The following KLHL29 variants were observed in gnomAD, a reference collection of about 807,000 sequenced individuals.
The protein encoded by KLHL29 is kelch-like protein 29.
In KLHL29, 21 loss-of-function variants were observed where a neutral mutation model predicts 80.4. The observed-to-expected ratio is 0.26, with a 90% CI of 0.19 to 0.38. KLHL29 has a LOEUF of 0.38. Ranked by LOEUF, KLHL29 falls within the 10% of genes least tolerant of loss-of-function variation. KLHL29 has a pLI of 1.00. For missense variants in KLHL29, 867 were observed against 1,223.9 expected, an observed-to-expected ratio of 0.71 and a Z score of 4.35; for synonymous variants, 511 against 526.8, an observed-to-expected ratio of 0.97 and a Z score of 0.41.
intron 2 of KLHL29, among the ~76,000 whole-genome samples, chr2:23,512,120 C>G (rs1307900464): frequency 2.0e-5 from 3 of 152,202 alleles, no homozygotes; most frequent in Non-Finnish European, 4.4e-5. Flanking sequence ...AATGACCTAA[C>G]TTCTCTGAGC....
intron 2 of KLHL29, among the ~76,000 whole-genome samples, chr2:23,485,640 C>T (rs1326087583): frequency 1.3e-5 from 2 of 152,190 alleles, no homozygotes; most frequent in Admixed American, 1.3e-4. Flanking sequence ...GTTCCATATT[C>T]AGAGGGTCCT....
intron 3 of KLHL29, among the ~76,000 whole-genome samples, chr2:23,600,724 GAGA>G (rs1165603634): frequency 2.6e-5 from 4 of 152,228 alleles, no homozygotes; most frequent in African/African-American, 9.6e-5. Flanking sequence ...AGGGGGCTCA[GAGA>G]AGGAGTGGGA....
intron 1 of KLHL29, among the ~76,000 whole-genome samples, chr2:23,421,562 G>C (rs866889657): frequency 5.7e-5 from 8 of 141,054 alleles, no homozygotes; most frequent in Non-Finnish European, 9.1e-5. Context: ...GTGTGTGTGT[G>C]TGTCTGTAGC....
chr2:23,555,453 G>C (rs1667261692), intron 2 of KLHL29, among the ~76,000 whole-genome samples: 1 of 152,198 alleles, frequency 6.6e-6, no homozygotes, highest in Non-Finnish European at 1.5e-5. Context: ...CTGGGGACAG[G>C]GTGGCCCATC....
At chr2:23,609,743 G>A (rs1034577919) in intron 3 of KLHL29, among the ~76,000 whole-genome samples, 4 of 152,164 alleles carry the variant, frequency 2.6e-5, no homozygotes, top group Non-Finnish European at 5.9e-5. Flanking sequence ...CACTTTGCGT[G>A]TTTATTTGGT....
chr2:23,569,458 T>C (rs986847410), intron 3 of KLHL29, among the ~76,000 whole-genome samples: 1 of 152,218 alleles, frequency 6.6e-6, no homozygotes, highest in Non-Finnish European at 1.5e-5. Context: ...TAAATCTACT[T>C]CTTACTCAGT....
At position 23,695,651 on chromosome 2, in the gene KLHL29, G is replaced by A; in HGVS notation, c.1571G>A (p.Arg524His). 2 of 1,551,224 alleles carry A rather than the reference G, an allele frequency of 1.3e-6. No individual in the cohort carries two copies. The highest frequency in any genetic ancestry group is 2.4e-5 in the East Asian group (1 of 40,916). The change falls in exon 9 of 14, where the codon CGC becomes CAC. Residue 524 changes from arginine (R) to histidine (H), a missense_variant. Arg to His is a conservative substitution (Grantham distance 29). This residue lies in a region of KLHL29 where 443 missense variants were observed against 767.0 expected (regional missense o/e 0.58). Coordinates refer to ENST00000486442, the MANE Select transcript of KLHL29 (RefSeq NM_052920.2). This position sits in a 1 kb window ranked among gnomAD's most constrained non-coding sequence, Gnocchi z 7.6. The stretch of plus-strand genomic sequence containing the variant: ...GCGGCTGAGCTCCTGGCCGTGGTCC[G>A]CCTCCCCTTCATCCACCCCAGCTAC... The part of the protein sequence containing the change: ...QYAAELLAVV[R>H]LPFIHPSYLL...
intron 1 of KLHL29, among the ~76,000 whole-genome samples, chr2:23,400,327 GC>G (rs113852403): frequency 0.052 from 7,932 of 152,242 alleles, 213 homozygotes; most frequent in Middle Eastern, 0.1. Flanking sequence ...AAGCCTTGAG[GC>G]TGGTTGAGAT....
At chr2:23,528,001 G>A (rs1235211466) in intron 2 of KLHL29, among the ~76,000 whole-genome samples, 2 of 152,300 alleles carry the variant, frequency 1.3e-5, no homozygotes, top group South Asian at 4.1e-4. Context: ...AGTTAATGGC[G>A]GCTGTGAATA....
intron 1 of KLHL29, among the ~76,000 whole-genome samples, chr2:23,421,991 T>TTG (rs58964080): frequency 6.6e-5 from 10 of 151,046 alleles, no homozygotes; most frequent in Admixed American, 3.9e-4. Flanking sequence ...GTTCATGTGT[T>TTG]TGTCTCTGTC....
intron 3 of KLHL29, among the ~76,000 whole-genome samples, chr2:23,608,314 T>A (rs950747235): frequency 2.0e-5 from 3 of 152,218 alleles, no homozygotes; most frequent in African/African-American, 7.2e-5. Context: ...TAGCTTACTG[T>A]CTGTACCAGG....
chr2:23,409,451 T>C (rs1163365566), intron 1 of KLHL29, among the ~76,000 whole-genome samples: 2 of 152,226 alleles, frequency 1.3e-5, no homozygotes, highest in East Asian at 3.8e-4. Context: ...TGGTGTGCGT[T>C]TCCTCCGTTG....
intron 5 of KLHL29, among the ~76,000 whole-genome samples, chr2:23,659,629 C>G (rs1486421611): frequency 6.6e-6 from 1 of 152,176 alleles, no homozygotes; most frequent in African/African-American, 2.4e-5. Flanking sequence ...GAACCTGTTT[C>G]CCCATTTGGA....
intron 1 of KLHL29, among the ~76,000 whole-genome samples, chr2:23,449,135 T>TGAGCTCATG (rs1663794822): frequency 6.6e-6 from 1 of 152,042 alleles, no homozygotes; most frequent in South Asian, 2.1e-4. Context: ...AGGAATCCCG[T>TGAGCTCATG]GAGCTCATGC....
chr2:23,395,391 G>A (rs896457733), intron 1 of KLHL29, among the ~76,000 whole-genome samples: 1 of 152,218 alleles, frequency 6.6e-6, no homozygotes, highest in African/African-American at 2.4e-5. Context: ...GTCACAGATA[G>A]GTGTCTGTTT....
chr2:23,527,621 C>G (rs1254997316), intron 2 of KLHL29, among the ~76,000 whole-genome samples: 1 of 152,236 alleles, frequency 6.6e-6, no homozygotes, highest in Non-Finnish European at 1.5e-5. Context: ...TTGGTCTTGA[C>G]AGCACGGTGA....
chr2:23,395,773 A>C (rs1666438721), intron 1 of KLHL29, among the ~76,000 whole-genome samples: 1 of 151,542 alleles, frequency 6.6e-6, no homozygotes, highest in East Asian at 1.9e-4. Context: ...AAAAAAAAGA[A>C]ACTCCGATTG....
At chr2:23,670,706 T>C (rs1461445662) in intron 5 of KLHL29, among the ~76,000 whole-genome samples, 1 of 152,024 alleles carries the variant, frequency 6.6e-6, no homozygotes, top group African/African-American at 2.4e-5. Flanking sequence ...GTTAGAAATA[T>C]GAAAAACTAG....
chr2:23,672,202 C>G (rs1670784157), intron 5 of KLHL29: 1 of 152,374 alleles, frequency 6.6e-6, no homozygotes. Context: ...TGGCCACACA[C>G]CAGCTACCAG....
Sources: allele counts gnomAD v4.1 joint callset (sites outside exome capture counted in the v4.1 genomes callset), GRCh38; gene constraint gnomAD v4.1.1; regional missense constraint gnomAD v4.1.1; non-coding constraint Gnocchi (gnomAD v3.1); transcripts MANE v1.5; gene names NCBI Gene and HGNC (gene_info 2026-07-23, HGNC 2026-07-21).